Variants in SOX5 observed in about 807,000 individuals in gnomAD.
SOX5 encodes transcription factor SOX-5.
SOX5 carries 9 observed loss-of-function variants against 92.0 expected under a neutral mutation model. The ratio of observed to expected loss-of-function variants is 0.10; its 90% CI spans 0.06 to 0.17. SOX5 has a LOEUF of 0.17. Ranked by LOEUF, SOX5 falls within the 10% of genes least tolerant of loss-of-function variation. The pLI, the probability that SOX5 is intolerant of heterozygous loss-of-function variation, is 1.00. For missense variants in SOX5, 642 were observed against 944.5 expected, an observed-to-expected ratio of 0.68 and a Z score of 4.20; for synonymous variants, 344 against 336.3, an observed-to-expected ratio of 1.02 and a Z score of -0.25.
intron 2 of SOX5, among the ~76,000 whole-genome samples, chr12:24,335,993 A>ATATATATATAT (rs1395314485): frequency 1.3e-4 from 18 of 138,306 alleles, no homozygotes; most frequent in Non-Finnish European, 2.0e-4. Context: ...ATATATCCAT[A>ATATATATATAT]ATATTAAATT....
intron 2 of SOX5, among the ~76,000 whole-genome samples, chr12:24,321,538 A>G (rs915672219): frequency 6.6e-6 from 1 of 152,198 alleles, no homozygotes; most frequent in Non-Finnish European, 1.5e-5. Context: ...AAACGTCTAG[A>G]TATTTTTAAA....
chr12:23,840,916 G>A (rs543412022), intron 3 of SOX5, among the ~76,000 whole-genome samples: 84 of 152,172 alleles, frequency 5.5e-4, no homozygotes, highest in African/African-American at 1.8e-3. Context: ...GAAAATCTAA[G>A]CGACCCTGGA....
chr12:23,839,985 G>C (rs1009302867), intron 3 of SOX5, among the ~76,000 whole-genome samples: 2 of 57,458 alleles, frequency 3.5e-5, no homozygotes, highest in Non-Finnish European at 6.8e-5. Context: ...GCTAACTCAA[G>C]AAGACAAAAA....
At chr12:24,248,400 T>C (rs1395473486) in intron 3 of SOX5, among the ~76,000 whole-genome samples, 6 of 152,234 alleles carry the variant, frequency 3.9e-5, no homozygotes, top group East Asian at 1.9e-4. Context: ...AAACAAGACG[T>C]GTCTTTCTTT....
chr12:23,847,745 A>G (rs1471448128), intron 2 of SOX5, among the ~76,000 whole-genome samples: 1 of 152,116 alleles, frequency 6.6e-6, no homozygotes, highest in African/African-American at 2.4e-5. Flanking sequence ...TTTCTCACAA[A>G]CATTACAGAA....
At chr12:24,284,899 T>G (rs1206517803) in intron 2 of SOX5, among the ~76,000 whole-genome samples, 1 of 152,162 alleles carries the variant, frequency 6.6e-6, no homozygotes, top group African/African-American at 2.4e-5. Context: ...CTCAGTCGGG[T>G]GGATCACCTG....
chr12:23,554,535 C>A lies in SOX5; in HGVS notation c.1489-8111G>T, dbSNP rs183472746. On this transcript the variant is annotated intron_variant, in intron 11 of 14. Transcript: ENST00000451604. ...GATCTGCCACTTGAATTCCTCTATT[C>A]TTCTCAAATCTCAAGTTAAAAAATT... 1.2e-3 allele frequency among the ~76,000 whole-genome samples: 185 copies of A among 152,218 alleles called. 1 individual carries two copies. The highest frequency in any genetic ancestry group is 0.01 in the Middle Eastern group (3 of 294).
At chr12:23,976,180 C>T (rs919576802) in intron 4 of SOX5, among the ~76,000 whole-genome samples, 2 of 151,060 alleles carry the variant, frequency 1.3e-5, no homozygotes, top group East Asian at 1.9e-4. Context: ...TACTTTTCTC[C>T]GAGATGATTA....
intron 6 of SOX5, among the ~76,000 whole-genome samples, chr12:23,715,466 T>C (rs947305061): frequency 6.6e-6 from 1 of 152,158 alleles, no homozygotes; most frequent in Non-Finnish European, 1.5e-5. Context: ...ATGAAAATAG[T>C]TAAAACTTGC....
In SOX5 at chr12:24,405,367, C is replaced by T. The variant is rs190530204; in HGVS notation, c.-250-36728G>A. Among the ~76,000 whole-genome samples, 251 of 152,208 alleles carry T rather than the reference C, an allele frequency of 1.6e-3. 2 individuals carry two copies. The highest frequency in any genetic ancestry group is 3.1e-3 in the Non-Finnish European group (210 of 68,026). On this transcript the variant is annotated intron_variant, in intron 1 of 4. Coordinates refer to the SOX5 transcript ENST00000446891. ...CTTCTTTCTCCAGTCAGCCAAGTAG[C>T]TATACTCTTCACTCATGGCGTTAGA...
intron 4 of SOX5, among the ~76,000 whole-genome samples, chr12:23,993,917 A>G (rs145467951): frequency 2.6e-5 from 4 of 151,656 alleles, no homozygotes; most frequent in South Asian, 2.1e-4. Flanking sequence ...GTATGTATGC[A>G]TGTATGCATG....
chr12:24,062,140 T>C (rs1422842679), intron 4 of SOX5, among the ~76,000 whole-genome samples: 1 of 152,190 alleles, frequency 6.6e-6, no homozygotes, highest in Non-Finnish European at 1.5e-5. Context: ...AATAAGATAG[T>C]TGCCAAAATG....
chr12:23,719,496 A>G (rs4963713), intron 6 of SOX5, among the ~76,000 whole-genome samples: 116,836 of 152,024 alleles, frequency 0.77, 44,975 homozygotes, highest in East Asian at 0.8. Context: ...CTGTAATCCC[A>G]GCACTTTGGG....
chr12:23,562,150 A>G lies in SOX5; in HGVS notation c.1488+1108T>C, dbSNP rs181975329. ...AAAATGTGCCCTTCTCAGGACACCA[A>G]TGTCATACGTCTTATGTTGTAACAC... is the stretch of plus-strand genomic sequence containing the variant. On this transcript the variant is annotated intron_variant, in intron 11 of 14. Coordinates refer to ENST00000451604, the MANE Select transcript of SOX5 (RefSeq NM_006940.6). Among the ~76,000 whole-genome samples, 111 of 152,270 alleles carry G rather than the reference A, an allele frequency of 7.3e-4. 1 individual carries two copies. Among genetic ancestry groups the G allele is most frequent in the Non-Finnish European group, 2.4e-4 (16 of 68,020 alleles).
chr12:24,479,971 G>C (rs1945807794), intron 1 of SOX5, among the ~76,000 whole-genome samples: 1 of 152,126 alleles, frequency 6.6e-6, no homozygotes, highest in African/African-American at 2.4e-5. Context: ...CAGTCCTGGA[G>C]AATTATTTTA....
chr12:23,672,823 T>A (rs1466591082), intron 6 of SOX5, among the ~76,000 whole-genome samples: 4 of 152,190 alleles, frequency 2.6e-5, no homozygotes, highest in Non-Finnish European at 5.9e-5. Context: ...CCTCTGTTAC[T>A]TTAACACAAT....
At chr12:23,572,163 A>G (rs1948471714) in intron 10 of SOX5, among the ~76,000 whole-genome samples, 1 of 152,192 alleles carries the variant, frequency 6.6e-6, no homozygotes, top group Non-Finnish European at 1.5e-5. Context: ...GTCACTTTCT[A>G]TATTTGTAGC....
At chr12:23,815,359 T>G (rs2095968111) in intron 3 of SOX5, among the ~76,000 whole-genome samples, 1 of 152,168 alleles carries the variant, frequency 6.6e-6, no homozygotes. Flanking sequence ...AGACCACAAA[T>G]CTTACAACAC....
At chr12:23,816,871 C>A (rs1179949738) in intron 3 of SOX5, among the ~76,000 whole-genome samples, 1 of 152,162 alleles carries the variant, frequency 6.6e-6, no homozygotes, top group African/African-American at 2.4e-5. Context: ...ACATCACACG[C>A]CACTGAGGCT....
Sources: allele counts gnomAD v4.1 joint callset (sites outside exome capture counted in the v4.1 genomes callset), GRCh38; gene constraint gnomAD v4.1.1; transcripts MANE v1.5; gene names NCBI Gene and HGNC (gene_info 2026-07-23, HGNC 2026-07-21).